Variants in ELP3 observed in about 807,000 individuals in gnomAD.
ELP3 encodes elongator complex protein 3.
ELP3 carries 56 observed loss-of-function variants against 74.9 expected under a neutral mutation model. The observed-to-expected ratio is 0.75, with a 90% CI of 0.60 to 0.93. The LOEUF is 0.93. ELP3 is among the 40% of genes least tolerant of loss of function. The probability of loss-of-function intolerance (pLI) is 0.00; values close to 1 mark genes in which losing one functional copy is unlikely to be tolerated. For synonymous variants in ELP3, 222 were observed against 239.8 expected (o/e 0.93, Z 0.68); for missense variants, 573 against 686.5 (o/e 0.83, Z 1.85).
chr8:28,114,713 A>G (rs1812056031), intron 7 of ELP3, among the ~76,000 whole-genome samples: 1 of 152,228 alleles, frequency 6.6e-6, no homozygotes, highest in African/African-American at 2.4e-5. Context: ...AAACCATGTC[A>G]GATCCCAGTG....
chr8:28,165,829 G>GT (rs1357346073), intron 14 of ELP3, among the ~76,000 whole-genome samples: 1 of 151,946 alleles, frequency 6.6e-6, no homozygotes, highest in Non-Finnish European at 1.5e-5. Flanking sequence ...AAACAAATTG[G>GT]TTTTTTATCT....
intron 1 of ELP3, 148 bp from the exon 2 acceptor site, chr8:28,097,071 T>C (rs575255302): frequency 1.8e-6 from 1 of 555,108 alleles, no homozygotes; most frequent in South Asian, 2.5e-5. Flanking sequence ...GATCAAATTG[T>C]AAACAGTAGA....
intron 3 of ELP3, among the ~76,000 whole-genome samples, chr8:28,100,845 A>G (rs1423519255): frequency 6.6e-6 from 1 of 152,192 alleles, no homozygotes; most frequent in African/African-American, 2.4e-5. Context: ...AGTGTGAGAT[A>G]CATGCACAGA....
At chr8:28,183,771 C>T (rs1246199387) in intron 14 of ELP3, among the ~76,000 whole-genome samples, 4 of 152,226 alleles carry the variant, frequency 2.6e-5, no homozygotes, top group Admixed American at 1.3e-4. Flanking sequence ...ACCCTGAGGC[C>T]GCTGCATGGA....
chr8:28,109,947 T>C (rs1288550277), intron 5 of ELP3, among the ~76,000 whole-genome samples: 2 of 152,268 alleles, frequency 1.3e-5, no homozygotes, highest in East Asian at 3.8e-4. Context: ...TTTATGTCAG[T>C]ACATTGTTTC....
chr8:28,095,778 G>C (rs1001282665), intron 1 of ELP3, among the ~76,000 whole-genome samples: 1 of 152,124 alleles, frequency 6.6e-6, no homozygotes, highest in South Asian at 2.1e-4. Context: ...CCTACCCTCC[G>C]TGTTACTGTA....
At chr8:28,161,037 C>G (rs1031758629) in intron 13 of ELP3, among the ~76,000 whole-genome samples, 10 of 152,128 alleles carry the variant, frequency 6.6e-5, no homozygotes, top group African/African-American at 2.4e-4. Context: ...CTAATACTGG[C>G]AATCTCATAT....
At position 28,175,056 on chromosome 8, in the gene ELP3, T is replaced by C. The variant is rs868488380; in HGVS notation, c.1567+12978T>C. On this transcript the variant is annotated intron_variant, in intron 14 of 14. Coordinates refer to ENST00000256398, the MANE Select transcript of ELP3 (RefSeq NM_018091.6). ...TCTATGTGATGACTCATTTTGCCTC[T>C]TGCTGCTTTCAAGATTCTCTCAGGT... Among the ~76,000 whole-genome samples the C allele has an allele frequency of 2.6e-5, 4 of 152,216 alleles. No individual in the cohort carries two copies. The South Asian group carries it at 8.3e-4, about 31-fold the overall frequency.
chr8:28,115,803 A>C (rs1379106143), intron 7 of ELP3, among the ~76,000 whole-genome samples: 1 of 152,178 alleles, frequency 6.6e-6, no homozygotes, highest in African/African-American at 2.4e-5. Flanking sequence ...ATGTGTGTGC[A>C]CATCATCAGA....
chr8:28,141,023 C>G (rs1813215898), intron 10 of ELP3, among the ~76,000 whole-genome samples: 1 of 152,198 alleles, frequency 6.6e-6, no homozygotes, highest in African/African-American at 2.4e-5. Flanking sequence ...AGCAATTACT[C>G]AGTATACAGT....
At chr8:28,172,051 A>G (rs1814550797) in intron 14 of ELP3, among the ~76,000 whole-genome samples, 1 of 152,086 alleles carries the variant, frequency 6.6e-6, no homozygotes, top group African/African-American at 2.4e-5. Flanking sequence ...TGCTGTTTTA[A>G]TCACTGTAGC....
chr8:28,102,775 T>G (rs1437074956), intron 3 of ELP3, among the ~76,000 whole-genome samples: 2 of 152,240 alleles, frequency 1.3e-5, no homozygotes, highest in Admixed American at 6.5e-5. Context: ...GTACATACAT[T>G]AGAATACACT....
Position 28,093,836 on chromosome 8 carries a change from ATTG to A in ELP3, c.19+608_19+610del, listed in dbSNP as rs374966504. 1.2e-4 allele frequency among the ~76,000 whole-genome samples: 18 copies of A among 152,200 alleles called. No individual in the cohort carries two copies. The East Asian group carries it at 3.1e-3, about 26-fold the overall frequency. On this transcript the variant is annotated intron_variant, in intron 1 of 14. Transcript: ENST00000256398. ...TTGACCAGCTGGTCTAATCATGGTAATTGTTGTCAGAATAATAGCTACCATTTA... is the reference window on the plus strand; with the variant it reads ...TTGACCAGCTGGTCTAATCATGGTAATTGTCAGAATAATAGCTACCATTTA...
rs561975811 is a variant in ELP3 at position 28,098,514 on chromosome 8, A to G, written c.119+1196A>G. The stretch of plus-strand genomic sequence containing the variant: ...GTTGGTTATACCCCTGATTATACAA[A>G]TCTTTAATTTCTAGTGAACATTTCT... On this transcript the variant is annotated intron_variant, in intron 2 of 14. Coordinates refer to ENST00000256398, the MANE Select transcript of ELP3 (RefSeq NM_018091.6). 3.9e-5 allele frequency among the ~76,000 whole-genome samples: 6 copies of G among 152,264 alleles called. No homozygotes were observed. In the South Asian group the frequency reaches 1.2e-3, roughly 32 times the overall value.
intron 3 of ELP3, among the ~76,000 whole-genome samples, chr8:28,106,202 T>G (rs760698580): frequency 5.9e-5 from 9 of 152,182 alleles, no homozygotes; most frequent in Non-Finnish European, 1.3e-4. Context: ...TAAAGATGAT[T>G]AATATTGAAC....
chr8:28,102,133 T>C (rs919032876), intron 3 of ELP3, among the ~76,000 whole-genome samples: 3 of 152,176 alleles, frequency 2.0e-5, no homozygotes, highest in African/African-American at 7.2e-5. Flanking sequence ...GGTAACCTCA[T>C]CCATTTGATG....
chr8:28,133,441 T>G (rs1812859822), intron 9 of ELP3, among the ~76,000 whole-genome samples: 1 of 151,436 alleles, frequency 6.6e-6, no homozygotes, highest in African/African-American at 2.4e-5. Context: ...TTTTTTTTTT[T>G]TCTTCAAATG....
chr8:28,188,883 T>C (rs12544439), intron 14 of ELP3, among the ~76,000 whole-genome samples: 11,332 of 152,070 alleles, frequency 0.075, 825 homozygotes, highest in East Asian at 0.33. Flanking sequence ...GTGTCTGAAG[T>C]TGGGGGCAGT....
chr8:28,156,495 C>T (rs557134451), intron 11 of ELP3, among the ~76,000 whole-genome samples: 19 of 152,292 alleles, frequency 1.2e-4, no homozygotes, highest in African/African-American at 4.3e-4. Flanking sequence ...ATTTACTAAA[C>T]ATCTCCTCTG....
Sources: allele counts gnomAD v4.1 joint callset (sites outside exome capture counted in the v4.1 genomes callset), GRCh38; gene constraint gnomAD v4.1.1; transcripts MANE v1.5; gene names NCBI Gene and HGNC (gene_info 2026-07-23, HGNC 2026-07-21).